Variants in ZBBX observed in about 807,000 individuals in gnomAD.
The protein encoded by ZBBX is zinc finger B-box domain-containing protein 1.
In ZBBX, 101 loss-of-function variants were observed where a neutral mutation model predicts 108.5. The ratio of observed to expected loss-of-function variants is 0.93; its 90% confidence interval spans 0.79 to 1.10. The LOEUF (loss-of-function observed/expected upper bound fraction) is 1.10. Among genes scored for constraint, ZBBX ranks in the 50% least tolerant of loss-of-function variants. ZBBX has a pLI of 0.00. For synonymous variants in ZBBX, 356 were observed against 323.4 expected (o/e 1.10, Z -1.08); for missense variants, 1,009 against 941.4 (o/e 1.07, Z -0.94).
intron 9 of ZBBX, among the ~76,000 whole-genome samples, chr3:167,349,504 T>A (rs1447147709): frequency 6.6e-6 from 1 of 152,040 alleles, no homozygotes; most frequent in Admixed American, 6.6e-5. Context: ...TAGGTATATT[T>A]TACATTTTGT....
At chr3:167,235,178 C>G (rs1463925291), downstream of ZBBX, among the ~76,000 whole-genome samples, 1 of 151,600 alleles carries the variant, frequency 6.6e-6, no homozygotes, top group Non-Finnish European at 1.5e-5. Context: ...GCCTAACCTA[C>G]AAGGTATTCT....
chr3:167,211,272 C>G, the ZBBX span, among the ~76,000 whole-genome samples: 3 of 152,144 alleles, frequency 2.0e-5, no homozygotes, highest in Non-Finnish European at 4.4e-5. Context: ...TGAACCCACT[C>G]GCTAGGGCCT....
At chr3:167,335,797 T>C (rs4955607) in intron 9 of ZBBX, among the ~76,000 whole-genome samples, 125,206 of 151,638 alleles carry the variant, frequency 0.83, 51,813 homozygotes, top group East Asian at 0.92. Flanking sequence ...TGAAAAATGA[T>C]GAACGTGACC....
chr3:167,325,767 A>G (rs1737270773), intron 11 of ZBBX, among the ~76,000 whole-genome samples: 1 of 152,198 alleles, frequency 6.6e-6, no homozygotes, highest in African/African-American at 2.4e-5. Context: ...GTAAAACATT[A>G]CTTGTGCCCA....
At chr3:167,402,778 C>T (rs1464329935) in intron 1 of ZBBX, among the ~76,000 whole-genome samples, 2 of 113,380 alleles carry the variant, frequency 1.8e-5, no homozygotes, top group East Asian at 4.6e-4. Flanking sequence ...CTGTAAACTA[C>T]AATATGTAAA....
chr3:167,362,327 A>T (rs1363021632), intron 6 of ZBBX, among the ~76,000 whole-genome samples: 5 of 152,202 alleles, frequency 3.3e-5, no homozygotes, highest in African/African-American at 9.6e-5. Context: ...ATCAGGGGCC[A>T]GGAAAGCTTA....
At chr3:167,265,846 G>A (rs1339153405) in intron 20 of ZBBX, among the ~76,000 whole-genome samples, 1 of 152,184 alleles carries the variant, frequency 6.6e-6, no homozygotes, top group Non-Finnish European at 1.5e-5. Context: ...GCCCAGCACA[G>A]CTTTATTCTC....
the ZBBX span, among the ~76,000 whole-genome samples, chr3:167,179,449 A>AT: frequency 6.6e-6 from 1 of 152,250 alleles, no homozygotes; most frequent in African/African-American, 2.4e-5. Context: ...CTGCAGTCAA[A>AT]GGTCCTGGAA....
At chr3:167,210,981 C>T in the ZBBX span, among the ~76,000 whole-genome samples, 1 of 151,982 alleles carries the variant, frequency 6.6e-6, no homozygotes, top group Non-Finnish European at 1.5e-5. Context: ...GGGGGAGTGG[C>T]CAAGATGGCC....
chr3:167,273,775 A>T (rs1374418107), intron 20 of ZBBX, among the ~76,000 whole-genome samples: 3 of 152,292 alleles, frequency 2.0e-5, no homozygotes, highest in South Asian at 4.1e-4. Context: ...AACGCCACAA[A>T]ATAAAAGAAG....
intron 2 of ZBBX, among the ~76,000 whole-genome samples, chr3:167,376,705 A>T (rs1747012627): frequency 6.6e-6 from 1 of 152,172 alleles, no homozygotes; most frequent in Non-Finnish European, 1.5e-5. Context: ...AAATGGTCTT[A>T]TTCAAGGGGG....
chr3:167,271,728 T>C (rs1726557453), intron 20 of ZBBX, among the ~76,000 whole-genome samples: 1 of 152,182 alleles, frequency 6.6e-6, no homozygotes, highest in Non-Finnish European at 1.5e-5. Flanking sequence ...GAAATCTCCC[T>C]TGGTGGGGAG....
chr3:167,327,269 A>C (rs1181729141), intron 11 of ZBBX, among the ~76,000 whole-genome samples: 1 of 152,164 alleles, frequency 6.6e-6, no homozygotes, highest in Non-Finnish European at 1.5e-5. Flanking sequence ...TAAAAAAAAA[A>C]AATTCCTCTT....
chr3:167,313,225 C>A (rs1734886415), intron 16 of ZBBX, among the ~76,000 whole-genome samples: 1 of 152,040 alleles, frequency 6.6e-6, no homozygotes, highest in African/African-American at 2.4e-5. Flanking sequence ...TCTACAGGTA[C>A]CTAGGGAACT....
At chr3:167,255,131 C>T (rs1723274417) in intron 20 of ZBBX, among the ~76,000 whole-genome samples, 1 of 151,798 alleles carries the variant, frequency 6.6e-6, no homozygotes, top group East Asian at 1.9e-4. Context: ...ATTCTACCTG[C>T]AGGGAAAAAT....
At chr3:167,311,262 A>AAT (rs1252786747) in intron 16 of ZBBX, among the ~76,000 whole-genome samples, 1 of 152,188 alleles carries the variant, frequency 6.6e-6, no homozygotes, top group Non-Finnish European at 1.5e-5. Context: ...CATGTGAAAC[A>AAT]ATATATATAG....
intron 3 of ZBBX, 146 bp from the exon 4 acceptor site, chr3:167,373,096 C>G (rs1746403690): frequency 2.1e-6 from 1 of 474,726 alleles, no homozygotes; most frequent in African/African-American, 2.0e-5. Flanking sequence ...AAATTATACA[C>G]TGTTAGCCCT....
At chr3:167,260,194 G>T (rs924917423) in intron 20 of ZBBX, among the ~76,000 whole-genome samples, 1 of 152,184 alleles carries the variant, frequency 6.6e-6, no homozygotes, top group African/African-American at 2.4e-5. Flanking sequence ...TTTCTGCTGA[G>T]AAATCTGCTG....
At chr3:167,258,838 G>T (rs1723972148) in intron 20 of ZBBX, among the ~76,000 whole-genome samples, 1 of 152,110 alleles carries the variant, frequency 6.6e-6, no homozygotes, top group African/African-American at 2.4e-5. Context: ...GATCAAGGTG[G>T]ATTATCTTTT....
Sources: allele counts gnomAD v4.1 joint callset (sites outside exome capture counted in the v4.1 genomes callset), GRCh38; gene constraint gnomAD v4.1.1; transcripts MANE v1.5; gene names NCBI Gene and HGNC (gene_info 2026-07-23, HGNC 2026-07-21).